The following PATZ1 variants were observed in gnomAD, a reference collection of about 807,000 sequenced individuals.
PATZ1 encodes the protein POZ/BTB and AT hook containing zinc finger 1.
In PATZ1, 9 loss-of-function variants were observed where a neutral mutation model predicts 46.2. The observed-to-expected ratio is 0.19, with a 90% CI of 0.12 to 0.34. PATZ1 has a LOEUF of 0.34. PATZ1 is among the 10% of genes least tolerant of loss of function. PATZ1 has a pLI of 1.00. For missense variants in PATZ1, 632 were observed against 923.0 expected (o/e 0.68, Z 4.08); for synonymous variants, 426 against 378.6 (o/e 1.13, Z -1.45).
At chr22:31,330,457 C>A (rs2049426273) in intron 3 of PATZ1, among the ~76,000 whole-genome samples, 1 of 152,068 alleles carries the variant, frequency 6.6e-6, no homozygotes, top group Non-Finnish European at 1.5e-5. Context: ...TGAGATCATG[C>A]CACTGCGCTC....
chr22:31,335,361 C>T (rs2049495405), intron 3 of PATZ1: 1 of 236,628 alleles, frequency 4.2e-6, no homozygotes, highest in Admixed American at 5.6e-5. Flanking sequence ...CCCCCACCAA[C>T]CTCAGTGGTT....
In PATZ1 at chr22:31,345,931, G is replaced by A. The variant is rs1325824849; in HGVS notation, c.-329C>T. ...AGAGGTGCGCCCCTCCTGCAAACGC[G>A]CCTGCCACCTCCCCTCCCGCCCGCC... On this transcript the variant is annotated 5_prime_UTR_variant, in exon 1 of 5. Coordinates refer to ENST00000266269, the MANE Select transcript of PATZ1 (RefSeq NM_014323.3). The surrounding 1 kb of genome is among the most constrained non-coding windows in gnomAD (Gnocchi z 7.4). 2 of 291,270 alleles carry A rather than the reference G, an allele frequency of 6.9e-6. No individual in the cohort carries two copies. The highest frequency in any genetic ancestry group is 5.3e-5 in the East Asian group (1 of 18,956). The allele number at this position is 291,270 out of a possible 1,614,324, so 18.0% of individuals were successfully genotyped here. A position where few individuals can be genotyped will look rare whatever the true frequency, so the allele number is the denominator to read the frequency against.
At position 31,346,214 on chromosome 22, in the gene PATZ1, CGGCGGCGGCGGCTGGAGCGGGCG is replaced by C. The variant is rs1178573257; in HGVS notation, c.-635_-613del. 1.3e-5 allele frequency: 2 copies of C among 151,968 alleles called. No homozygotes were observed. The highest frequency in any genetic ancestry group is 1.9e-4 in the East Asian group (1 of 5,248). 9.4% of individuals were successfully genotyped at this position (151,968 alleles called of 1,614,324 possible). On this transcript the variant is annotated 5_prime_UTR_variant, in exon 1 of 5. Coordinates refer to ENST00000266269, the MANE Select transcript of PATZ1 (RefSeq NM_014323.3). ...CCCGGAGCCTGGAGGGCGGTGGCGG[CGGCGGCGGCGGCTGGAGCGGGCG>C]GGCGGCGGCGGCGGCAGAGTAGGCC...
At position 31,327,456 on chromosome 22, in the gene PATZ1, T is replaced by C; in HGVS notation, c.1646-147A>G. ...CTGGCAGAACCCACGGAGGGTCAGC[T>C]GGTCAGTCTGGGAGCCTGGAGTGCC... On this transcript the variant is annotated intron_variant, in intron 4 of 4. Transcript: ENST00000266269. This position sits in a 1 kb window ranked among gnomAD's most constrained non-coding sequence, Gnocchi z 4.2. 2 of 671,542 alleles carry C rather than the reference T, an allele frequency of 3.0e-6. No homozygotes were observed. Among genetic ancestry groups the C allele is most frequent in the Admixed American group, 5.8e-5 (2 of 34,752 alleles). The allele number at this position is 671,542 out of a possible 1,614,324, so 41.6% of individuals were successfully genotyped here.
chr22:31,335,611 C>A, intron 3 of PATZ1, 81 bp downstream of exon 3: 1 of 1,342,380 alleles, frequency 7.4e-7, no homozygotes, highest in South Asian at 1.3e-5. Context: ...GAGTCTGAGG[C>A]AGGGTGATTG....
intron 2 of PATZ1, chr22:31,340,561 G>A: frequency 2.4e-6 from 1 of 423,438 alleles, no homozygotes; most frequent in African/African-American, 2.1e-5. Flanking sequence ...GGAGGGGCCA[G>A]CAGGTCTGTG....
chr22:31,334,542 G>A (rs1348048213), intron 3 of PATZ1, among the ~76,000 whole-genome samples: 6 of 152,110 alleles, frequency 3.9e-5, no homozygotes, highest in Non-Finnish European at 8.8e-5. Flanking sequence ...TGTTGTGCCT[G>A]GTCCAACCCA....
chr22:31,336,256 A>G (rs1187271127), intron 2 of PATZ1, among the ~76,000 whole-genome samples: 1 of 152,218 alleles, frequency 6.6e-6, no homozygotes. Flanking sequence ...CAGATGAGTT[A>G]TTGGCATATA....
Position 31,327,050 on chromosome 22 carries a change from G to T in PATZ1, c.1905C>A (p.Pro635=). The T allele has an allele frequency of 6.2e-7, 1 of 1,614,224 alleles. No individual in the cohort carries two copies. Among genetic ancestry groups the T allele is most frequent in the Non-Finnish European group, 8.5e-7 (1 of 1,180,036 alleles). Residue 635 remains proline, a synonymous_variant, in exon 5 of 5, where the codon CCC becomes CCA. Transcript: ENST00000266269. This position sits in a 1 kb window ranked among gnomAD's most constrained non-coding sequence, Gnocchi z 4.2. ...CAAGGGCAGGGCCCAGGTCCCCCAG[G>T]GGGCCCCCGAGAGCCCGGACATGCA... ...QKVHVRALGG[P]LGDLGPALGS...
chr22:31,340,059 C>T (rs111722452), intron 2 of PATZ1, among the ~76,000 whole-genome samples: 5,615 of 152,232 alleles, frequency 0.037, 151 homozygotes, highest in South Asian at 0.086. Context: ...AAGTGGAGCC[C>T]GTGGAAGCTA....
At chr22:31,334,595 C>A (rs1180093016) in intron 3 of PATZ1, among the ~76,000 whole-genome samples, 1 of 152,202 alleles carries the variant, frequency 6.6e-6, no homozygotes, top group East Asian at 1.9e-4. Flanking sequence ...TTACAAAGTG[C>A]AAGGATAGAG....
chr22:31,336,923 C>A (rs2049518939), intron 2 of PATZ1, among the ~76,000 whole-genome samples: 2 of 151,296 alleles, frequency 1.3e-5, no homozygotes, highest in Admixed American at 6.6e-5. Context: ...TCCTGGCTAA[C>A]ACGGTGAAAC....
intron 1 of PATZ1, among the ~76,000 whole-genome samples, chr22:31,343,871 T>C (rs535602531): frequency 6.6e-6 from 1 of 152,310 alleles, no homozygotes; most frequent in African/African-American, 2.4e-5. Flanking sequence ...CTGATCAGGA[T>C]GGCCAGTGTT....
intron 2 of PATZ1, chr22:31,341,651 G>C (rs1261742898): frequency 1.2e-6 from 2 of 1,613,528 alleles, no homozygotes; most frequent in East Asian, 4.5e-5. Context: ...GAGGTTCCAG[G>C]GGCGGCAGGC....
Position 31,327,067 on chromosome 22 carries a change from G to A in PATZ1, c.1888C>T (p.Arg630Trp), listed in dbSNP as rs774798984. The A allele has an allele frequency of 5.6e-6, 9 of 1,614,126 alleles. No individual in the cohort carries two copies. The highest frequency in any genetic ancestry group is 2.2e-5 in the East Asian group (1 of 44,854). ...LNKHIQKVHVRALGGPLGDLG... is the reference protein window; with the variant it reads ...LNKHIQKVHVWALGGPLGDLG... ...TCCCCCAGGGGGCCCCCGAGAGCCCGGACATGCACCTTCTGGATGTGTTTG... is the reference window on the plus strand; with the variant it reads ...TCCCCCAGGGGGCCCCCGAGAGCCCAGACATGCACCTTCTGGATGTGTTTG... Residue 630 changes from arginine (R) to tryptophan (W), a missense_variant, in exon 5 of 5, where the codon CGG becomes TGG. Physicochemically the swap from Arg to Trp is moderately radical, Grantham distance 101. Coordinates refer to ENST00000266269, the MANE Select transcript of PATZ1 (RefSeq NM_014323.3). This position sits in a 1 kb window ranked among gnomAD's most constrained non-coding sequence, Gnocchi z 4.2.
rs1024144635 is a variant in PATZ1, at chr22:31,326,777, T to C, written c.*114A>G. 1 of 942,304 alleles carries C rather than the reference T, an allele frequency of 1.1e-6. No individual in the cohort carries two copies. The highest frequency in any genetic ancestry group is 1.6e-6 in the Non-Finnish European group (1 of 638,906). 58.4% of individuals were successfully genotyped at this position (942,304 alleles called of 1,614,324 possible). ...AGTTGGAGTGGGGTTGGGGGGCAGT[T>C]AAAAATGAATAAAAATCTCTCAGCT... is the stretch of plus-strand genomic sequence containing the variant. On this transcript the variant is annotated 3_prime_UTR_variant, in exon 5 of 5. Coordinates refer to ENST00000266269, the MANE Select transcript of PATZ1 (RefSeq NM_014323.3).
rs1479438377 is a variant in PATZ1 at position 31,344,327 on chromosome 22, C to T, written c.1271+5G>A. On this transcript the variant is annotated splice_donor_5th_base_variant and intron_variant, in intron 1 of 4. Transcript: ENST00000266269. ...GCAGGGGAGGAAGAGGGGGCCTTTC[C>T]TCACCTGGAGAAGCCTTTCCCACAG... 6.3e-7 allele frequency: 1 copy of T among 1,590,316 alleles called. No individual in the cohort carries two copies. The highest frequency in any genetic ancestry group is 8.6e-7 in the Non-Finnish European group (1 of 1,167,476).
chr22:31,326,839 C>A lies in PATZ1; in HGVS notation c.*52G>T. On this transcript the variant is annotated 3_prime_UTR_variant, in exon 5 of 5. Coordinates refer to ENST00000266269, the MANE Select transcript of PATZ1 (RefSeq NM_014323.3). ...ACATCACTTCCCTCCGCATTCACAGCATTTCCCAGCAGTCCCCAGATGGTT... is the reference window on the plus strand; with the variant it reads ...ACATCACTTCCCTCCGCATTCACAGAATTTCCCAGCAGTCCCCAGATGGTT... The A allele has an allele frequency of 6.7e-7, 1 of 1,491,768 alleles. No individual in the cohort carries two copies. The highest frequency in any genetic ancestry group is 2.3e-5 in the East Asian group (1 of 43,952). The allele number at this position is 1,491,768 out of a possible 1,614,324, so 92.4% of individuals were successfully genotyped here.
chr22:31,333,984 G>A (rs2049477471), intron 3 of PATZ1, among the ~76,000 whole-genome samples: 1 of 152,088 alleles, frequency 6.6e-6, no homozygotes, highest in Non-Finnish European at 1.5e-5. Context: ...ATCTGGTCTG[G>A]GCTTTCTGAG....
Sources: allele counts gnomAD v4.1 joint callset (sites outside exome capture counted in the v4.1 genomes callset), GRCh38; gene constraint gnomAD v4.1.1; non-coding constraint Gnocchi (gnomAD v3.1); transcripts MANE v1.5; gene names NCBI Gene and HGNC (gene_info 2026-07-23, HGNC 2026-07-21).